The following CYP2S1 variants were observed in gnomAD, a reference collection of about 807,000 sequenced individuals.
CYP2S1 encodes cytochrome P450 2S1.
In CYP2S1, 32 loss-of-function variants were observed where a neutral mutation model predicts 43.5. The ratio of observed to expected loss-of-function variants is 0.74; its 90% CI spans 0.56 to 0.99. The LOEUF is 0.99. CYP2S1 is among the 50% of genes least tolerant of loss of function. The pLI is 0.00. For missense variants in CYP2S1, 575 were observed against 673.9 expected (o/e 0.85, Z 1.62); for synonymous variants, 283 against 302.9 (o/e 0.93, Z 0.68).
intron 7 of CYP2S1, among the ~76,000 whole-genome samples, 197 bp from the exon 8 acceptor site, chr19:41,205,761 C>A (rs570916444): frequency 1.1e-4 from 16 of 151,976 alleles, no homozygotes; most frequent in Non-Finnish European, 2.2e-4. Context: ...GGCTCAAATG[C>A]TTCTCTCACC....
At chr19:41,206,162 C>T in intron 8 of CYP2S1, 63 bp downstream of exon 8, 1 of 1,607,718 alleles carries the variant, frequency 6.2e-7, no homozygotes, top group Non-Finnish European at 8.5e-7. Context: ...TCTGTGCCAG[C>T]TGGGGGCACC....
At chr19:41,194,983 G>A (rs973261130) in intron 2 of CYP2S1, among the ~76,000 whole-genome samples, 13 of 152,266 alleles carry the variant, frequency 8.5e-5, no homozygotes, top group African/African-American at 3.1e-4. Flanking sequence ...GGGCATGGTG[G>A]TGCGTACCTG....
intron 5 of CYP2S1, among the ~76,000 whole-genome samples, 189 bp downstream of exon 5, chr19:41,199,077 C>T (rs962787530): frequency 6.6e-6 from 1 of 152,124 alleles, no homozygotes; most frequent in Non-Finnish European, 1.5e-5. Context: ...CCTTTCAGGG[C>T]GTTGCTCTCA....
chr19:41,198,592 C>T lies in CYP2S1; in HGVS notation c.624C>T (p.Thr208=), dbSNP rs1470882210. The T allele has an allele frequency of 5.6e-6, 9 of 1,614,072 alleles. No homozygotes were observed. The South Asian group carries it at 8.8e-5, about 16-fold the overall frequency. The stretch of plus-strand genomic sequence containing the variant: ...CCGTGGTCCGGGCAGCTGGTGGTAC[C>T]CTGCTGGGAGTCAGCTCCCAGGGGG... ...FQAVVRAAGG[T]LLGVSSQGGQ... is the part of the protein sequence containing the mutation. Residue 208 remains threonine (T), a synonymous_variant, in exon 4 of 9, where the codon ACC becomes ACT. Transcript: ENST00000310054. The surrounding 1 kb of genome is among the most constrained non-coding windows in gnomAD (Gnocchi z 4.9).
chr19:41,200,460 CCTCCCGGGTTCATGCCATT>C (rs1279794448), intron 5 of CYP2S1, among the ~76,000 whole-genome samples: 4 of 152,186 alleles, frequency 2.6e-5, no homozygotes, highest in Middle Eastern at 3.4e-3. Context: ...GCAAGCTCCG[CCTCCCGGGTTCATGCCATT>C]CTCCTGCCTC....
In CYP2S1 at chr19:41,194,870, C is replaced by T. The variant is rs183186075; in HGVS notation, c.343+161C>T. Among the ~76,000 whole-genome samples, 167 of 152,200 alleles carry T rather than the reference C, an allele frequency of 1.1e-3. 1 individual carries two copies. Among genetic ancestry groups the T allele is most frequent in the South Asian group, 7.5e-3 (36 of 4,818 alleles). ...GTGGCTAGTGCCTGAAATCCCAACACTTTGGGAGGCGGAGGTGGGTGGATC... is the reference window on the plus strand; with the variant it reads ...GTGGCTAGTGCCTGAAATCCCAACATTTTGGGAGGCGGAGGTGGGTGGATC... On this transcript the variant is annotated intron_variant, in intron 2 of 8. Transcript: ENST00000310054.
At chr19:41,201,098 C>G (rs1323702675) in intron 5 of CYP2S1, 133 bp from the exon 6 acceptor site, 2 of 1,263,918 alleles carry the variant, frequency 1.6e-6, no homozygotes, top group Non-Finnish European at 1.1e-6. Context: ...GTCTACTTCC[C>G]AACCTTCCCA....
At chr19:41,201,479 G>A in intron 6 of CYP2S1, 107 bp downstream of exon 6, 2 of 1,463,146 alleles carry the variant, frequency 1.4e-6, no homozygotes, top group East Asian at 2.3e-5. Flanking sequence ...GCTGAGGCGG[G>A]CTGATCACTT....
intron 7 of CYP2S1, among the ~76,000 whole-genome samples, chr19:41,205,518 CCT>C (rs1471873969): frequency 6.7e-6 from 1 of 149,008 alleles, no homozygotes; most frequent in African/African-American, 2.5e-5. Flanking sequence ...TTCCTGTCTT[CCT>C]CTCTTTCTCT....
chr19:41,203,498 C>A lies in CYP2S1; in HGVS notation c.1025C>A (p.Pro342Gln). The A allele has an allele frequency of 1.2e-6, 2 of 1,605,010 alleles. No homozygotes were observed. Among genetic ancestry groups the A allele is most frequent in the East Asian group, 2.3e-5 (1 of 44,300 alleles). ...LNRELGAGQA[P>Q]SLGDRTRLPY... ...CGGGAGCTGGGGGCTGGCCAGGCAC[C>A]AAGCCTAGGGGACCGTACCCGCCTC... Residue 342 changes from proline to glutamine, a missense_variant, in exon 7 of 9, where the codon CCA (proline) becomes CAA (glutamine). Pro to Gln is a moderately conservative substitution (Grantham distance 76). Transcript: ENST00000310054.
At chr19:41,204,473 T>TC (rs2033536029) in intron 7 of CYP2S1, among the ~76,000 whole-genome samples, 1 of 152,010 alleles carries the variant, frequency 6.6e-6, no homozygotes, top group African/African-American at 2.4e-5. Flanking sequence ...GGGCGATGTT[T>TC]CCCCAGAAAC....
At position 41,194,564 on chromosome 19, in the gene CYP2S1, G is replaced by C; in HGVS notation, c.198G>C (p.Pro66=). 1 of 1,600,796 alleles carries C rather than the reference G, an allele frequency of 6.2e-7. No homozygotes were observed. Residue 66 remains proline, a synonymous_variant, in exon 2 of 9, where the codon CCG becomes CCC. Coordinates refer to ENST00000310054, the MANE Select transcript of CYP2S1 (RefSeq NM_030622.8). ...CCCAGCTGAGTAAGAAGTACGGACCGGTGTTCACCATCTACCTGGGACCCT... is the reference window on the plus strand; with the variant it reads ...CCCAGCTGAGTAAGAAGTACGGACCCGTGTTCACCATCTACCTGGGACCCT... ...GLMRLSKKYG[P]VFTIYLGPWR...
chr19:41,196,659 G>C (rs1239880158), intron 2 of CYP2S1, among the ~76,000 whole-genome samples: 1 of 152,074 alleles, frequency 6.6e-6, no homozygotes, highest in Non-Finnish European at 1.5e-5. Flanking sequence ...AACACAGTAG[G>C]GCAAGGACAG....
chr19:41,205,595 C>T (rs1381712637), intron 7 of CYP2S1, among the ~76,000 whole-genome samples: 1 of 151,830 alleles, frequency 6.6e-6, no homozygotes, highest in African/African-American at 2.4e-5. Context: ...AAGCATAGCT[C>T]ACAGCAGCCT....
chr19:41,197,597 G>A (rs1448144357), intron 2 of CYP2S1, among the ~76,000 whole-genome samples, 182 bp from the exon 3 acceptor site: 1 of 150,888 alleles, frequency 6.6e-6, no homozygotes, highest in African/African-American at 2.4e-5. Flanking sequence ...CTACTCAGGA[G>A]GCTGAGGCAG....
chr19:41,207,257 T>C lies in CYP2S1; in HGVS notation c.*769T>C, dbSNP rs1434466033. Reference sequence around the variant, plus strand: ...CGATTATGCACAGAGACTTTGGACATACGAGGACCCTCAGACCGGAGGAAC... The same window carrying C: ...CGATTATGCACAGAGACTTTGGACACACGAGGACCCTCAGACCGGAGGAAC... On this transcript the variant is annotated 3_prime_UTR_variant, in exon 9 of 9. Coordinates refer to ENST00000310054, the MANE Select transcript of CYP2S1 (RefSeq NM_030622.8). 1 of 215,860 alleles carries C rather than the reference T, an allele frequency of 4.6e-6. No homozygotes were observed. The highest frequency in any genetic ancestry group is 9.4e-6 in the Non-Finnish European group (1 of 106,684). 13.4% of individuals were successfully genotyped at this position (215,860 alleles called of 1,614,324 possible). A position where few individuals can be genotyped will look rare whatever the true frequency, so the allele number is the denominator to read the frequency against.
rs761773533 is a variant in CYP2S1, at chr19:41,203,558, G to A, written c.1085G>A (p.Arg362Gln). Residue 362 changes from arginine to glutamine, a missense_variant, in exon 7 of 9, where the codon CGG becomes CAG. This residue lies in a region of CYP2S1 where 222 missense variants were observed against 306.3 expected (regional missense o/e 0.72). Transcript: ENST00000310054. ...YTDAVLHEAQ[R>Q]LLALVPMGIP... ...GACGCGGTTCTGCATGAGGCGCAGC[G>A]GCTGCTGGCGCTGGTGCCCATGGGA... is the stretch of plus-strand genomic sequence containing the variant. The A allele has an allele frequency of 1.5e-5, 23 of 1,579,216 alleles. No individual in the cohort carries two copies. The highest frequency in any genetic ancestry group is 2.3e-5 in the East Asian group (1 of 42,762).
Position 41,201,128 on chromosome 19 carries a change from T to C in CYP2S1, c.835-103T>C, listed in dbSNP as rs10409803. ...TTCCCAAAAATTTATCTAAACCCCG[T>C]GACAAAACTTTAACTTGTGTTTCCG... On this transcript the variant is annotated intron_variant, in intron 5 of 8. Transcript: ENST00000310054. The C allele has an allele frequency of 9.3e-5, 135 of 1,455,768 alleles. 2 individuals carry two copies. The African/African-American group carries it at 1.6e-3, about 17-fold the overall frequency. 90.2% of individuals were successfully genotyped at this position (1,455,768 alleles called of 1,614,324 possible). A position where few individuals can be genotyped will look rare whatever the true frequency, so the allele number is the denominator to read the frequency against.
chr19:41,202,307 T>C lies in CYP2S1; in HGVS notation c.976+935T>C, dbSNP rs569955169. On this transcript the variant is annotated intron_variant, in intron 6 of 8. Transcript: ENST00000310054. ...CCAGCCCAACTCTAGCATTTTCGGG[T>C]CAGGCAGCTGCTGTGGGCCATGGGG... 3.9e-5 allele frequency among the ~76,000 whole-genome samples: 6 copies of C among 152,216 alleles called. No homozygotes were observed. The South Asian group carries it at 1.2e-3, about 32-fold the overall frequency.
Sources: gnomAD v4.1 joint callset for allele counts (sites outside exome capture counted in the v4.1 genomes callset) on GRCh38, gnomAD v4.1.1 for gene constraint, gnomAD v4.1.1 regional missense constraint, Gnocchi (gnomAD v3.1) non-coding constraint, MANE v1.5 for transcripts, NCBI Gene and HGNC (gene_info 2026-07-23, HGNC 2026-07-21) for gene names.